DUSP12: variants seen among roughly 807,000 people sequenced by gnomAD.
DUSP12 encodes the protein dual specificity phosphatase 12.
DUSP12 carries 25 observed loss-of-function variants against 38.9 expected under a neutral mutation model. The observed-to-expected ratio is 0.64, with a 90% CI of 0.47 to 0.90. The LOEUF is 0.90. Ranked by LOEUF, DUSP12 falls within the 40% of genes least tolerant of loss-of-function variation. The pLI, the probability that DUSP12 is intolerant of heterozygous loss-of-function variation, is 0.00. For synonymous variants in DUSP12, 153 were observed against 153.9 expected, an observed-to-expected ratio of 0.99 and a Z score of 0.05; for missense variants, 403 against 427.0, an observed-to-expected ratio of 0.94 and a Z score of 0.50.
chr1:161,753,007 C>A, intron 4 of DUSP12, 68 bp from the exon 5 acceptor site: 1 of 1,393,560 alleles, frequency 7.2e-7, no homozygotes, highest in South Asian at 1.4e-5. Flanking sequence ...AAAGAAATAC[C>A]GCACATTTCA....
In DUSP12 at chr1:161,750,074, C is replaced by T. The variant is rs2101692597; in HGVS notation, c.273C>T (p.Leu91=). ...TGGACAAACCCGAGACGGACCTACT[C>T]AGCCATCTGGACCGGTGCGTGGCCT... ...PALDKPETDL[L]SHLDRCVAFI... The change falls in exon 1 of 6, where the codon CTC becomes CTT. Residue 91 remains leucine (L), a synonymous_variant. Coordinates refer to ENST00000367943, the MANE Select transcript of DUSP12 (RefSeq NM_007240.3). The T allele has an allele frequency of 1.9e-5, 30 of 1,614,022 alleles. No individual in the cohort carries two copies. The highest frequency in any genetic ancestry group is 1.7e-4 in the Middle Eastern group (1 of 6,060).
chr1:161,752,918 AG>A (rs1684048087), intron 4 of DUSP12, among the ~76,000 whole-genome samples, 156 bp from the exon 5 acceptor site: 2 of 151,780 alleles, frequency 1.3e-5, no homozygotes, highest in Non-Finnish European at 2.9e-5. Context: ...TGAACCCAGG[AG>A]GCGGAGGTTG....
rs1338015667 is a variant in DUSP12 at position 161,749,914 on chromosome 1, G to C, written c.113G>C (p.Gly38Ala). The C allele has an allele frequency of 6.2e-7, 1 of 1,613,780 alleles. No individual in the cohort carries two copies. The highest frequency in any genetic ancestry group is 2.2e-5 in the East Asian group (1 of 44,882). The part of the protein sequence containing the change: ...LEVQPGLYFG[G>A]AAAVAEPDHL... Reference sequence around the variant, plus strand: ...GTGCAGCCAGGATTGTATTTCGGTGGGGCCGCGGCCGTCGCGGAGCCAGAT... The same window carrying C: ...GTGCAGCCAGGATTGTATTTCGGTGCGGCCGCGGCCGTCGCGGAGCCAGAT... The change falls in exon 1 of 6, where the codon GGG becomes GCG. Residue 38 changes from glycine to alanine, a missense_variant. By Grantham distance (60) the Gly-to-Ala change is moderately conservative (BLOSUM62 0). Coordinates refer to ENST00000367943, the MANE Select transcript of DUSP12 (RefSeq NM_007240.3).
Position 161,751,918 on chromosome 1 carries a change from G to T in DUSP12, c.511G>T (p.Glu171Ter). Residue 171 changes from glutamate to a stop codon, truncating the protein, a stop_gained, in exon 3 of 6, where the codon GAA (glutamate) becomes TAA (stop). Coordinates refer to ENST00000367943, the MANE Select transcript of DUSP12 (RefSeq NM_007240.3). LOFTEE classifies it high-confidence loss of function. ...GAAATTATACCAGGCAATGGGATAC[G>T]AAGTGGATACCTCTAGTGCAATTTA... ...QLKLYQAMGY[E>*]VDTSSAIYKQ... The T allele has an allele frequency of 1.9e-6, 3 of 1,613,492 alleles. No individual in the cohort carries two copies. The highest frequency in any genetic ancestry group is 1.7e-4 in the Middle Eastern group (1 of 5,984).
At chr1:161,756,013 G>A (rs1684101077) in intron 5 of DUSP12, among the ~76,000 whole-genome samples, 1 of 152,020 alleles carries the variant, frequency 6.6e-6, no homozygotes, top group Non-Finnish European at 1.5e-5. Flanking sequence ...CCGCCACCAT[G>A]CCCAACTAAT....
At chr1:161,750,200 G>C (rs1165204556) in intron 1 of DUSP12, 55 bp downstream of exon 1, 2 of 1,565,824 alleles carry the variant, frequency 1.3e-6, no homozygotes, top group African/African-American at 1.4e-5. Flanking sequence ...GCCGGCCCCC[G>C]TCGCCCCTTA....
rs766431189 is a variant in DUSP12 at position 161,751,977 on chromosome 1, G to A, written c.570G>A (p.Lys190=). 1.2e-6 allele frequency: 2 copies of A among 1,600,554 alleles called. No homozygotes were observed. The highest frequency in any genetic ancestry group is 1.7e-6 in the Non-Finnish European group (2 of 1,171,088). ...KQYRLQKVTE[K]YPELQNLPQE... The stretch of plus-strand genomic sequence containing the variant: ...ATCGTTTACAAAAGGTTACAGAGAA[G>A]TATCCAGGTAAGTAATAATTGCTAG... Residue 190 remains lysine (K), a synonymous_variant, in exon 3 of 6, where the codon AAG becomes AAA. Transcript: ENST00000367943.
chr1:161,750,910 G>A (rs1684009460), intron 1 of DUSP12, among the ~76,000 whole-genome samples: 1 of 152,134 alleles, frequency 6.6e-6, no homozygotes, highest in Non-Finnish European at 1.5e-5. Flanking sequence ...GGGCAACAGA[G>A]CGAGACTCCA....
chr1:161,751,695 C>T lies in DUSP12; in HGVS notation c.372C>T (p.Ala124=), dbSNP rs1486564895. 5 of 1,612,128 alleles carry T rather than the reference C, an allele frequency of 3.1e-6. No individual in the cohort carries two copies. The highest frequency in any genetic ancestry group is 1.3e-5 in the African/African-American group (1 of 74,594). ...ATGCAGGAGTCAGTCGAAGTGTGGC[C>T]ATAATAACTGCTTTTCTCATGAAGA... The part of the protein sequence containing the change: ...HCHAGVSRSV[A]IITAFLMKTD... The change falls in exon 2 of 6, where the codon GCC becomes GCT. Residue 124 remains alanine (A), a synonymous_variant. Transcript: ENST00000367943.
chr1:161,756,957 T>G lies in DUSP12; in HGVS notation c.*10T>G, dbSNP rs767873481. 6.2e-7 allele frequency: 1 copy of G among 1,608,570 alleles called. No individual in the cohort carries two copies. Among genetic ancestry groups the G allele is most frequent in the Admixed American group, 1.7e-5 (1 of 59,704 alleles). On this transcript the variant is annotated 3_prime_UTR_variant, in exon 6 of 6. Transcript: ENST00000367943. ...AACAGGAAAAATATGAACATGATAT[T>G]TTATAGCTTGGGAAGAAACTTGCAG...
At chr1:161,756,204 A>G (rs1220427245) in intron 5 of DUSP12, among the ~76,000 whole-genome samples, 1 of 152,196 alleles carries the variant, frequency 6.6e-6, no homozygotes, top group African/African-American at 2.4e-5. Context: ...GATTAAAAAT[A>G]AAAACTCTTA....
At chr1:161,752,288 T>A in intron 3 of DUSP12, 80 bp from the exon 4 acceptor site, 1 of 1,035,624 alleles carries the variant, frequency 9.7e-7, no homozygotes, top group Non-Finnish European at 1.5e-6. Flanking sequence ...ACTTGTTGCC[T>A]CAATTTGACA....
Position 161,757,038 on chromosome 1 carries a change from A to G in DUSP12, c.*91A>G, listed in dbSNP as rs566933208. The G allele has an allele frequency of 5.6e-5, 72 of 1,279,352 alleles. 1 individual carries two copies. The South Asian group carries it at 1.2e-3, about 20-fold the overall frequency. 79.3% of individuals were successfully genotyped at this position (1,279,352 alleles called of 1,614,324 possible). On this transcript the variant is annotated 3_prime_UTR_variant, in exon 6 of 6. Transcript: ENST00000367943. Reference sequence around the variant, plus strand: ...TCATGGCAGATTGTTTGTGCTTTCAACATTTCATTTGAAATGGGAGAAGAT... The same window carrying G: ...TCATGGCAGATTGTTTGTGCTTTCAGCATTTCATTTGAAATGGGAGAAGAT...
At chr1:161,754,417 A>T (rs919073433) in intron 5 of DUSP12, among the ~76,000 whole-genome samples, 3 of 152,196 alleles carry the variant, frequency 2.0e-5, no homozygotes, top group Non-Finnish European at 4.4e-5. Context: ...GTGGCTTTTA[A>T]AGTGTATTCA....
At chr1:161,750,279 A>G in intron 1 of DUSP12, 134 bp downstream of exon 1, 7 of 938,166 alleles carry the variant, frequency 7.5e-6, no homozygotes, top group Non-Finnish European at 1.1e-5. Context: ...TGCCTCCCGC[A>G]GGAGGCGTGT....
intron 5 of DUSP12, 111 bp downstream of exon 5, chr1:161,753,372 T>A: frequency 1.1e-6 from 1 of 933,672 alleles, no homozygotes; most frequent in Non-Finnish European, 1.5e-6. Context: ...TTAATTTCTT[T>A]ATTTCTGAAG....
chr1:161,756,934 C>G lies in DUSP12; in HGVS notation c.1010C>G (p.Thr337Arg), dbSNP rs1684119519. The change falls in exon 6 of 6, where the codon ACA (threonine) becomes AGA (arginine). Residue 337 changes from threonine to arginine, a missense_variant. Thr to Arg is a moderately conservative substitution (Grantham distance 71). Transcript: ENST00000367943. ...MKILPVLGSQ[T>R]GKI The stretch of plus-strand genomic sequence containing the variant: ...ATATTGCCTGTTTTGGGATCACAAA[C>G]AGGAAAAATATGAACATGATATTTT... 1.2e-6 allele frequency: 2 copies of G among 1,611,536 alleles called. No homozygotes were observed. Among genetic ancestry groups the G allele is most frequent in the South Asian group, 2.2e-5 (2 of 90,784 alleles).
chr1:161,755,483 C>G (rs1228482829), intron 5 of DUSP12, among the ~76,000 whole-genome samples: 1 of 152,142 alleles, frequency 6.6e-6, no homozygotes, highest in South Asian at 2.1e-4. Flanking sequence ...ACCCGTTACT[C>G]CATATCCTTG....
Position 161,750,082 on chromosome 1 carries a change from T to C in DUSP12, c.281T>C (p.Leu94Pro). 6.2e-7 allele frequency: 1 copy of C among 1,614,004 alleles called. No individual in the cohort carries two copies. The highest frequency in any genetic ancestry group is 1.1e-5 in the South Asian group (1 of 91,092). Residue 94 changes from leucine to proline, a missense_variant, in exon 1 of 6, where the codon CTG becomes CCG. Coordinates refer to ENST00000367943, the MANE Select transcript of DUSP12 (RefSeq NM_007240.3). ...CCCGAGACGGACCTACTCAGCCATC[T>C]GGACCGGTGCGTGGCCTTCATCGGT... Reference protein sequence around the residue: ...DKPETDLLSHLDRCVAFIGQA... With the variant: ...DKPETDLLSHPDRCVAFIGQA...
Sources: allele counts gnomAD v4.1 joint callset (sites outside exome capture counted in the v4.1 genomes callset), GRCh38; gene constraint gnomAD v4.1.1; transcripts MANE v1.5; gene names NCBI Gene and HGNC (gene_info 2026-07-23, HGNC 2026-07-21).